NRXN3: variants seen among roughly 807,000 people sequenced by gnomAD.
NRXN3 encodes the protein neurexin III.
Under a neutral mutation model 137.6 loss-of-function variants are expected in NRXN3, and 32 were observed. The ratio of observed to expected loss-of-function variants is 0.23; its 90% CI spans 0.18 to 0.31. The LOEUF (loss-of-function observed/expected upper bound fraction) is 0.31, where lower values mean the gene tolerates loss of function less well. NRXN3 is among the 10% of genes least tolerant of loss of function. NRXN3 has a pLI of 1.00. For synonymous variants in NRXN3, 798 were observed against 784.5 expected (o/e 1.02, Z -0.29); for missense variants, 1,574 against 2,062.5 (o/e 0.76, Z 4.59).
chr14:78,786,049 C>T (rs1483013737), intron 8 of NRXN3, among the ~76,000 whole-genome samples: 1 of 152,100 alleles, frequency 6.6e-6, no homozygotes, highest in Non-Finnish European at 1.5e-5. Flanking sequence ...ATTTACCATT[C>T]ATATTTCAGG....
rs530526744 is a variant in NRXN3 at position 79,104,529 on chromosome 14, G to A, written c.3262+116388G>A. ...CTAACTTCTTGACCTCTAAAAGGAA[G>A]TTGGAGTTTTCATTAATGCCGTGGG... On this transcript the variant is annotated intron_variant, in intron 15 of 20. Transcript: ENST00000335750. Among the ~76,000 whole-genome samples, 4 of 152,288 alleles carry A rather than the reference G, an allele frequency of 2.6e-5. No individual in the cohort carries two copies. In the East Asian group the frequency reaches 7.7e-4, roughly 29 times the overall value.
chr14:78,307,284 A>G (rs2077466250), intron 4 of NRXN3, among the ~76,000 whole-genome samples: 1 of 152,014 alleles, frequency 6.6e-6, no homozygotes, highest in Admixed American at 6.6e-5. Context: ...ATAAGGTTCC[A>G]TTGTGACCCT....
At chr14:79,360,694 C>A (rs12888937) in intron 15 of NRXN3, among the ~76,000 whole-genome samples, 59,360 of 151,892 alleles carry the variant, frequency 0.39, 12,642 homozygotes, top group Admixed American at 0.5. Flanking sequence ...TTCAGATAAA[C>A]AATCTGAGTA....
At chr14:78,747,060 G>A (rs1468226765) in intron 8 of NRXN3, among the ~76,000 whole-genome samples, 1 of 152,146 alleles carries the variant, frequency 6.6e-6, no homozygotes, top group African/African-American at 2.4e-5. Flanking sequence ...CCATTTTAGA[G>A]AGGAAGAAAT....
chr14:79,562,537 G>A (rs1039115856), intron 16 of NRXN3, among the ~76,000 whole-genome samples: 1 of 152,110 alleles, frequency 6.6e-6, no homozygotes, highest in Non-Finnish European at 1.5e-5. Context: ...AAAAATGCTG[G>A]CATCAGATAG....
intron 15 of NRXN3, among the ~76,000 whole-genome samples, chr14:79,264,876 C>T (rs574898115): frequency 4.0e-5 from 6 of 151,472 alleles, no homozygotes; most frequent in Non-Finnish European, 7.4e-5. Context: ...TGATAAATAA[C>T]CAGAATTTAT....
intron 4 of NRXN3, among the ~76,000 whole-genome samples, chr14:78,458,624 C>A (rs1290353817): frequency 6.6e-6 from 1 of 152,190 alleles, no homozygotes; most frequent in Admixed American, 6.5e-5. Flanking sequence ...TCTTCTGAGG[C>A]AATTTTGTGG....
At chr14:78,726,515 CTTT>C (rs71452901) in intron 8 of NRXN3, among the ~76,000 whole-genome samples, 9 of 102,442 alleles carry the variant, frequency 8.8e-5, no homozygotes, top group African/African-American at 1.1e-4. Flanking sequence ...ACCATTTTAG[CTTT>C]TTTTTTTTTT....
chr14:79,745,123 T>G (rs2098975678), intron 19 of NRXN3, among the ~76,000 whole-genome samples: 1 of 151,728 alleles, frequency 6.6e-6, no homozygotes, highest in African/African-American at 2.4e-5. Context: ...AGGGGAGAAA[T>G]TAAGGAGCAA....
intron 19 of NRXN3, among the ~76,000 whole-genome samples, chr14:79,729,836 C>T (rs74065905): frequency 2.0e-5 from 3 of 152,138 alleles, no homozygotes; most frequent in African/African-American, 7.2e-5. Context: ...CAGGGCATGG[C>T]TCTAAGAAGC....
chr14:78,998,341 C>T (rs1293721090), intron 15 of NRXN3, among the ~76,000 whole-genome samples: 1 of 152,190 alleles, frequency 6.6e-6, no homozygotes, highest in African/African-American at 2.4e-5. Context: ...CTTCAAGCCG[C>T]AAATTCTAAG....
At chr14:78,299,965 C>T (rs2076720849) in intron 4 of NRXN3, among the ~76,000 whole-genome samples, 1 of 152,210 alleles carries the variant, frequency 6.6e-6, no homozygotes, top group Non-Finnish European at 1.5e-5. Flanking sequence ...AGTCCTTTGA[C>T]TGCATTCCTC....
At chr14:78,279,245 A>T (rs1470998957) in intron 3 of NRXN3, among the ~76,000 whole-genome samples, 2 of 152,252 alleles carry the variant, frequency 1.3e-5, no homozygotes, top group Non-Finnish European at 2.9e-5. Flanking sequence ...TGGAAAAATT[A>T]AAGAACCACG....
Position 78,682,145 on chromosome 14 carries a change from C to T in NRXN3, c.1222-27072C>T, listed in dbSNP as rs564396440. On this transcript the variant is annotated intron_variant, in intron 6 of 20. Transcript: ENST00000335750. ...CCTCCCAAAGTGCTGGGATTACAGG[C>T]GTGAGCCACCACACCTGGCCGATTG... 5.9e-5 allele frequency among the ~76,000 whole-genome samples: 9 copies of T among 152,218 alleles called. No individual in the cohort carries two copies. The East Asian group carries it at 1.6e-3, about 26-fold the overall frequency.
At chr14:78,418,473 C>T (rs1266303782) in intron 4 of NRXN3, among the ~76,000 whole-genome samples, 1 of 152,096 alleles carries the variant, frequency 6.6e-6, no homozygotes, top group African/African-American at 2.4e-5. Flanking sequence ...GGTTCATAAG[C>T]TCCTAGAAAA....
chr14:79,686,497 C>T (rs541001985), intron 17 of NRXN3, among the ~76,000 whole-genome samples: 1 of 152,108 alleles, frequency 6.6e-6, no homozygotes, highest in African/African-American at 2.4e-5. Context: ...CACAGGCTCT[C>T]TCAACTCCCA....
At chr14:78,201,850 C>T (rs1258491146) in intron 1 of NRXN3, among the ~76,000 whole-genome samples, 1 of 152,170 alleles carries the variant, frequency 6.6e-6, no homozygotes, top group Non-Finnish European at 1.5e-5. Flanking sequence ...TCCATCTTCT[C>T]CGATGACGCG....
chr14:79,022,523 C>T (rs988132517), intron 15 of NRXN3, among the ~76,000 whole-genome samples: 1 of 152,162 alleles, frequency 6.6e-6, no homozygotes, highest in African/African-American at 2.4e-5. Flanking sequence ...TGGGAACACA[C>T]ACGAAGCCAG....
chr14:78,529,452 G>A (rs1028080584), intron 4 of NRXN3, among the ~76,000 whole-genome samples: 4 of 152,282 alleles, frequency 2.6e-5, no homozygotes, highest in East Asian at 3.9e-4. Flanking sequence ...GAGAAGCAAT[G>A]TCTTTTCTTT....
Sources: gnomAD v4.1 joint callset for allele counts (sites outside exome capture counted in the v4.1 genomes callset) on GRCh38, gnomAD v4.1.1 for gene constraint, MANE v1.5 for transcripts, NCBI Gene and HGNC (gene_info 2026-07-23, HGNC 2026-07-21) for gene names.